MMP20: variants seen among roughly 807,000 people sequenced by gnomAD.
MMP20 encodes matrix metallopeptidase 20, also known as matrix metalloproteinase-20.
A neutral mutation model predicts 51.8 loss-of-function variants in MMP20; 50 were observed. The observed-to-expected ratio is 0.97, with a 90% CI of 0.77 to 1.22. MMP20 has a LOEUF of 1.22. Among genes scored for constraint, MMP20 ranks in the 50% most tolerant of loss-of-function variants. The probability of loss-of-function intolerance (pLI) is 0.00; values close to 1 mark genes in which losing one functional copy is unlikely to be tolerated. For synonymous variants in MMP20, 244 were observed against 216.2 expected (o/e 1.13, Z -1.13); for missense variants, 663 against 601.4 (o/e 1.10, Z -1.07).
chr11:102,598,232 T>G (rs762465490), intron 6 of MMP20, among the ~76,000 whole-genome samples: 2 of 152,178 alleles, frequency 1.3e-5, no homozygotes, highest in African/African-American at 4.8e-5. Context: ...AAAACAATGA[T>G]AGCAAGTAAC....
At position 102,594,739 on chromosome 11, in the gene MMP20, C is replaced by G. The variant is rs748718656; in HGVS notation, c.972G>C (p.Gln324His). The G allele has an allele frequency of 6.2e-7, 1 of 1,604,560 alleles. No homozygotes were observed. The highest frequency in any genetic ancestry group is 1.4e-5 in the African/African-American group (1 of 72,012). The change falls in exon 7 of 10, where the codon CAG (glutamine) becomes CAC (histidine). Residue 324 changes from glutamine (Q) to histidine (H), a missense_variant. Coordinates refer to ENST00000260228, the MANE Select transcript of MMP20 (RefSeq NM_004771.4). ...LFKDRIFWRR[Q>H]VHLRTGIRPS... is the part of the protein sequence containing the mutation. ...GCCGAATTCCTGTCCGCAAGTGAAC[C>G]TGCCGTCTCCAGAAAATCCTATGGG...
chr11:102,600,676 AG>A (rs1220040239), intron 6 of MMP20, among the ~76,000 whole-genome samples: 1 of 152,020 alleles, frequency 6.6e-6, no homozygotes, highest in Non-Finnish European at 1.5e-5. Flanking sequence ...TAGTAGAGAC[AG>A]GGTTTCACCA....
chr11:102,608,874 T>C (rs2135941625), intron 5 of MMP20, 63 bp downstream of exon 5: 1 of 1,545,346 alleles, frequency 6.5e-7, no homozygotes. Flanking sequence ...GCACTTTCTT[T>C]AATTCGGAGA....
At chr11:102,596,094 A>G (rs977599783) in intron 6 of MMP20, among the ~76,000 whole-genome samples, 1 of 152,218 alleles carries the variant, frequency 6.6e-6, no homozygotes, top group Non-Finnish European at 1.5e-5. Context: ...ATATGTTTAC[A>G]ATCTAATAGT....
At position 102,577,027 on chromosome 11, in the gene MMP20, C is replaced by T. The variant is rs17098541; in HGVS notation, c.*299G>A. The T allele has an allele frequency of 6.8e-5, 22 of 325,566 alleles. No homozygotes were observed. Among genetic ancestry groups the T allele is most frequent in the Admixed American group, 5.0e-4 (11 of 21,946 alleles). 20.2% of individuals were successfully genotyped at this position (325,566 alleles called of 1,614,324 possible). On this transcript the variant is annotated 3_prime_UTR_variant, in exon 10 of 10. Coordinates refer to ENST00000260228, the MANE Select transcript of MMP20 (RefSeq NM_004771.4). Reference sequence around the variant, plus strand: ...CTTCCTCCTGGAAATAAAAATCAAACGGATCAATCTGCTTCAGTATATTAG... The same window carrying T: ...CTTCCTCCTGGAAATAAAAATCAAATGGATCAATCTGCTTCAGTATATTAG...
intron 1 of MMP20, among the ~76,000 whole-genome samples, chr11:102,624,270 A>C (rs1859788152): frequency 6.6e-6 from 1 of 152,176 alleles, no homozygotes; most frequent in African/African-American, 2.4e-5. Context: ...CAGACTCTTG[A>C]AAGGGAGGCC....
intron 8 of MMP20, among the ~76,000 whole-genome samples, chr11:102,587,750 T>C (rs993072643): frequency 1.3e-5 from 2 of 152,184 alleles, no homozygotes; most frequent in South Asian, 2.1e-4. Context: ...TGCCTGATAA[T>C]AGTATAGCCA....
At chr11:102,579,609 T>C (rs370332067) in intron 8 of MMP20, among the ~76,000 whole-genome samples, 3 of 152,206 alleles carry the variant, frequency 2.0e-5, no homozygotes, top group African/African-American at 7.2e-5. Flanking sequence ...CCACTGGGCC[T>C]GGCCCTTGTT....
intron 8 of MMP20, among the ~76,000 whole-genome samples, chr11:102,586,629 C>A (rs1342573194): frequency 6.6e-6 from 1 of 151,874 alleles, no homozygotes; most frequent in Non-Finnish European, 1.5e-5. Context: ...CTGGCTAACA[C>A]GGTGAAACCC....
At chr11:102,611,536 T>C (rs544878640) in intron 3 of MMP20, among the ~76,000 whole-genome samples, 1 of 152,384 alleles carries the variant, frequency 6.6e-6, no homozygotes, top group Non-Finnish European at 1.5e-5. Flanking sequence ...GTGAATCTAC[T>C]CTACAGCTGT....
intron 3 of MMP20, among the ~76,000 whole-genome samples, chr11:102,610,276 G>A (rs373440484): frequency 3.3e-5 from 5 of 149,768 alleles, no homozygotes; most frequent in Non-Finnish European, 5.9e-5. Context: ...TTGGGTTATT[G>A]TTGCTATCAT....
At chr11:102,582,363 G>T (rs980324045) in intron 8 of MMP20, among the ~76,000 whole-genome samples, 1 of 152,046 alleles carries the variant, frequency 6.6e-6, no homozygotes, top group East Asian at 1.9e-4. Context: ...AAGAAAGGGC[G>T]GCAAAAAGGG....
At chr11:102,604,976 T>A (rs2135939324) in intron 6 of MMP20, among the ~76,000 whole-genome samples, 1 of 152,308 alleles carries the variant, frequency 6.6e-6, no homozygotes, top group East Asian at 1.9e-4. Context: ...ATGCTCTGTG[T>A]TATGTGCCCT....
At chr11:102,606,734 C>T (rs1421650438) in intron 5 of MMP20, 58 bp from the exon 6 acceptor site, 8 of 1,595,630 alleles carry the variant, frequency 5.0e-6, no homozygotes, top group Non-Finnish European at 6.9e-6. Flanking sequence ...TCACACACTT[C>T]TGCTCTAGAG....
Position 102,588,425 on chromosome 11 carries a change from T to C in MMP20, c.1247+5014A>G, listed in dbSNP as rs1339949332. Among the ~76,000 whole-genome samples, 6 of 152,298 alleles carry C rather than the reference T, an allele frequency of 3.9e-5. No individual in the cohort carries two copies. The East Asian group carries it at 9.6e-4, about 24-fold the overall frequency. ...TATTAAGTTTCTTAGTTGCCATTTC[T>C]GGTTCTGTTCTTTTGTTCCTGTGAA... is the stretch of plus-strand genomic sequence containing the variant. On this transcript the variant is annotated intron_variant, in intron 8 of 9. Coordinates refer to ENST00000260228, the MANE Select transcript of MMP20 (RefSeq NM_004771.4).
intron 4 of MMP20, 55 bp from the exon 5 acceptor site, chr11:102,609,153 A>G (rs1267165738): frequency 1.4e-6 from 2 of 1,467,470 alleles, no homozygotes; most frequent in South Asian, 1.2e-5. Context: ...TGTTTTCTCC[A>G]TCTTCCATCT....
At chr11:102,587,944 A>T (rs1859273108) in intron 8 of MMP20, among the ~76,000 whole-genome samples, 1 of 152,044 alleles carries the variant, frequency 6.6e-6, no homozygotes, top group African/African-American at 2.4e-5. Flanking sequence ...ATTCACATTT[A>T]ATGTTATTGA....
At chr11:102,597,998 C>G (rs1254807258) in intron 6 of MMP20, among the ~76,000 whole-genome samples, 1 of 151,982 alleles carries the variant, frequency 6.6e-6, no homozygotes, top group African/African-American at 2.4e-5. Flanking sequence ...AACTCCCGAC[C>G]TCAGGTGATC....
At chr11:102,597,790 G>A (rs1193463026) in intron 6 of MMP20, among the ~76,000 whole-genome samples, 1 of 151,698 alleles carries the variant, frequency 6.6e-6, no homozygotes, top group African/African-American at 2.4e-5. Context: ...TTTTTGAGAT[G>A]GAGTTTCACT....
Sources: gnomAD v4.1 joint callset for allele counts (sites outside exome capture counted in the v4.1 genomes callset) on GRCh38, gnomAD v4.1.1 for gene constraint, MANE v1.5 for transcripts, NCBI Gene and HGNC (gene_info 2026-07-23, HGNC 2026-07-21) for gene names.